The following TPRG1 variants were observed in gnomAD, a reference collection of about 807,000 sequenced individuals.
TPRG1 encodes tumor protein p63 regulated 1, also known as tumor protein p63-regulated gene 1 protein.
In TPRG1, 29 loss-of-function variants were observed where a neutral mutation model predicts 29.3. The observed-to-expected ratio is 0.99, with a 90% CI of 0.74 to 1.35. TPRG1 has a LOEUF of 1.35. Ranked by LOEUF, TPRG1 falls within the 40% of genes most tolerant of loss-of-function variation. The probability of loss-of-function intolerance (pLI) is 0.00; values close to 1 mark genes in which losing one functional copy is unlikely to be tolerated. For synonymous variants in TPRG1, 130 were observed against 116.8 expected, an observed-to-expected ratio of 1.11 and a Z score of -0.73; for missense variants, 327 against 335.0, an observed-to-expected ratio of 0.98 and a Z score of 0.19.
chr3:189,228,947 A>T (rs1236879257), intron 3 of TPRG1, among the ~76,000 whole-genome samples: 1 of 152,200 alleles, frequency 6.6e-6, no homozygotes, highest in Non-Finnish European at 1.5e-5. Context: ...TCAGCACCAT[A>T]AGTCAGTTAT....
At chr3:189,306,705 A>G (rs1419387793) in intron 4 of TPRG1, among the ~76,000 whole-genome samples, 2 of 152,212 alleles carry the variant, frequency 1.3e-5, no homozygotes, top group Non-Finnish European at 2.9e-5. Flanking sequence ...AAAAAATATA[A>G]GATCTCTAAC....
At chr3:189,209,485 A>T (rs910554835) in intron 2 of TPRG1, among the ~76,000 whole-genome samples, 3 of 152,202 alleles carry the variant, frequency 2.0e-5, no homozygotes, top group African/African-American at 4.8e-5. Flanking sequence ...GTGTTGTACC[A>T]TGTAGCTTAT....
At chr3:189,010,421 T>C (rs1712536319) in intron 3 of TPRG1, among the ~76,000 whole-genome samples, 1 of 152,236 alleles carries the variant, frequency 6.6e-6, no homozygotes, top group South Asian at 2.1e-4. Flanking sequence ...AGCATTACTT[T>C]TTCTCCACAA....
In TPRG1 at chr3:189,185,473, A is replaced by G. The variant is rs569146421; in HGVS notation, c.-10+13342A>G. On this transcript the variant is annotated intron_variant, in intron 1 of 5. Coordinates refer to ENST00000345063, the MANE Select transcript of TPRG1 (RefSeq NM_198485.4). ...ACTCCTGGGCTCAAGCGATCCCCCA[A>G]TCTCGGCCTCCCAAAGCACTGGGAT... Among the ~76,000 whole-genome samples, 4 of 152,166 alleles carry G rather than the reference A, an allele frequency of 2.6e-5. No individual in the cohort carries two copies. The East Asian group carries it at 7.7e-4, about 29-fold the overall frequency.
At chr3:189,156,712 C>A (rs1304887440) in intron 5 of TPRG1, among the ~76,000 whole-genome samples, 1 of 152,188 alleles carries the variant, frequency 6.6e-6, no homozygotes, top group Non-Finnish European at 1.5e-5. Flanking sequence ...TAATTTTACA[C>A]CCTCTTTGCA....
intron 2 of TPRG1, among the ~76,000 whole-genome samples, chr3:189,209,220 G>C (rs1157956229): frequency 6.6e-6 from 1 of 152,152 alleles, no homozygotes; most frequent in Non-Finnish European, 1.5e-5. Flanking sequence ...CAGGTACAGG[G>C]GCTACCCCTT....
chr3:189,163,448 A>G (rs1243814162), intron 5 of TPRG1, among the ~76,000 whole-genome samples: 1 of 152,160 alleles, frequency 6.6e-6, no homozygotes, highest in African/African-American at 2.4e-5. Flanking sequence ...ACCGTGATCA[A>G]CTCTGACACG....
chr3:189,146,666 G>A (rs1306409710), intron 3 of TPRG1, among the ~76,000 whole-genome samples: 1 of 152,144 alleles, frequency 6.6e-6, no homozygotes, highest in Non-Finnish European at 1.5e-5. Flanking sequence ...CAGAGACCAT[G>A]TTTTATATAT....
intron 3 of TPRG1, among the ~76,000 whole-genome samples, chr3:189,019,891 T>C (rs1713196553): frequency 6.6e-6 from 1 of 151,346 alleles, no homozygotes; most frequent in South Asian, 2.1e-4. Flanking sequence ...AAGCTATTGA[T>C]TATTGCCACA....
chr3:189,138,602 A>G (rs1178107254), intron 3 of TPRG1, among the ~76,000 whole-genome samples: 1 of 152,146 alleles, frequency 6.6e-6, no homozygotes, highest in Non-Finnish European at 1.5e-5. Flanking sequence ...AGGCACGCAT[A>G]GGAAGTTTAA....
intron 3 of TPRG1, among the ~76,000 whole-genome samples, chr3:189,235,450 G>A (rs953699425): frequency 2.6e-5 from 4 of 152,048 alleles, no homozygotes; most frequent in African/African-American, 9.7e-5. Context: ...AGTAAAATTT[G>A]TAGGACTAGG....
chr3:189,026,281 G>A (rs1713657558), intron 4 of TPRG1, among the ~76,000 whole-genome samples: 1 of 152,232 alleles, frequency 6.6e-6, no homozygotes, highest in African/African-American at 2.4e-5. Flanking sequence ...AAACGACAGA[G>A]AGAGAGAGTG....
chr3:189,254,282 T>C (rs1742721214), intron 4 of TPRG1, among the ~76,000 whole-genome samples: 3 of 152,238 alleles, frequency 2.0e-5, no homozygotes, highest in African/African-American at 7.2e-5. Flanking sequence ...TAGGGAATCC[T>C]TTCCCCATTG....
At chr3:189,214,193 T>G (rs1471179089) in intron 2 of TPRG1, among the ~76,000 whole-genome samples, 4 of 152,226 alleles carry the variant, frequency 2.6e-5, no homozygotes, top group Non-Finnish European at 5.9e-5. Flanking sequence ...GTGCCTGGCA[T>G]AAAAGCATTC....
intron 5 of TPRG1, among the ~76,000 whole-genome samples, chr3:189,153,215 T>TG: frequency 6.6e-6 from 1 of 152,236 alleles, no homozygotes; most frequent in Non-Finnish European, 1.5e-5. Context: ...AGATACTGGC[T>TG]AGTACTTTTT....
intron 5 of TPRG1, among the ~76,000 whole-genome samples, chr3:189,320,203 G>T (rs550345149): frequency 6.6e-6 from 1 of 151,920 alleles, no homozygotes; most frequent in Non-Finnish European, 1.5e-5. Flanking sequence ...TGTTGTAGGC[G>T]CTTCATCAAT....
intron 5 of TPRG1, among the ~76,000 whole-genome samples, chr3:189,315,890 T>C (rs1723433751): frequency 6.6e-6 from 1 of 152,048 alleles, no homozygotes; most frequent in Admixed American, 6.6e-5. Flanking sequence ...AGATTGTAAA[T>C]AGGGGGAGCC....
intron 4 of TPRG1, among the ~76,000 whole-genome samples, chr3:189,300,247 G>A (rs1361277739): frequency 6.6e-6 from 1 of 152,140 alleles, no homozygotes; most frequent in East Asian, 1.9e-4. Flanking sequence ...AATGTCTTTA[G>A]ACCTAACTTT....
In TPRG1 at chr3:189,136,551, T is replaced by C. The variant is rs139694457; in HGVS notation, c.-291+3854T>C. On this transcript the variant is annotated intron_variant, in intron 3 of 6. Transcript: ENST00000412373. ...AATAGTTAGGCTTGCTAAAGACTCC[T>C]GGCTTCAATTAACAAAAAATGTCTC... 9.0e-4 allele frequency among the ~76,000 whole-genome samples: 137 copies of C among 152,304 alleles called. 1 individual carries two copies. Among genetic ancestry groups the C allele is most frequent in the East Asian group, 7.3e-3 (38 of 5,188 alleles).
Sources: gnomAD v4.1 joint callset for allele counts (sites outside exome capture counted in the v4.1 genomes callset) on GRCh38, gnomAD v4.1.1 for gene constraint, MANE v1.5 for transcripts, NCBI Gene and HGNC (gene_info 2026-07-23, HGNC 2026-07-21) for gene names.